Variants in PTPRN2 observed in about 807,000 individuals in gnomAD.
PTPRN2 encodes protein tyrosine phosphatase receptor type N2, also known as receptor-type tyrosine-protein phosphatase N2.
A neutral mutation model predicts 118.8 loss-of-function variants in PTPRN2; 74 were observed. The ratio of observed to expected loss-of-function variants is 0.62; its 90% CI spans 0.52 to 0.76. The LOEUF is 0.76. PTPRN2 is among the 30% of genes least tolerant of loss of function. The pLI, the probability that PTPRN2 is intolerant of heterozygous loss-of-function variation, is 0.00. For synonymous variants in PTPRN2, 641 were observed against 608.0 expected (o/e 1.05, Z -0.80); for missense variants, 1,481 against 1,394.4 (o/e 1.06, Z -0.99).
At chr7:158,561,741 T>A (rs957928647) in intron 1 of PTPRN2, among the ~76,000 whole-genome samples, 1 of 152,174 alleles carries the variant, frequency 6.6e-6, no homozygotes, top group Non-Finnish European at 1.5e-5. Flanking sequence ...GCACAGTCCC[T>A]GTGCAAGACA....
At chr7:158,132,716 G>C (rs114251824) in intron 9 of PTPRN2, among the ~76,000 whole-genome samples, 1 of 147,468 alleles carries the variant, frequency 6.8e-6, no homozygotes, top group African/African-American at 2.5e-5. Flanking sequence ...ATATACATAC[G>C]CACAGATACA....
At position 157,903,828 on chromosome 7, in the gene PTPRN2, C is replaced by T. The variant is rs1444083670; in HGVS notation, c.1724-5091G>A. ...CAAGTGCCGGCGCAAGCGCTTCCCA[C>T]ACTTCAATCCGTCTCCCCATCCAGG... On this transcript the variant is annotated intron_variant, in intron 11 of 22. Coordinates refer to ENST00000389418, the MANE Select transcript of PTPRN2 (RefSeq NM_002847.5). This position sits in a 1 kb window ranked among gnomAD's most constrained non-coding sequence, Gnocchi z 4.2. Among the ~76,000 whole-genome samples the T allele has an allele frequency of 6.6e-6, 1 of 152,220 alleles. No homozygotes were observed. The highest frequency in any genetic ancestry group is 1.5e-5 in the Non-Finnish European group (1 of 68,030).
intron 3 of PTPRN2, among the ~76,000 whole-genome samples, chr7:158,268,188 C>T (rs1433873953): frequency 6.6e-6 from 1 of 152,236 alleles, no homozygotes; most frequent in Non-Finnish European, 1.5e-5. Flanking sequence ...ATGCCGCCTG[C>T]AAAAGCATCA....
intron 2 of PTPRN2, among the ~76,000 whole-genome samples, chr7:158,458,530 G>A (rs898403649): frequency 5.9e-5 from 9 of 151,992 alleles, no homozygotes; most frequent in East Asian, 3.9e-4. Flanking sequence ...GCAAAACCAC[G>A]CCCCCACCCA....
At chr7:158,360,074 ACATCCACCCTCACCC>A (rs1808753522) in intron 2 of PTPRN2, among the ~76,000 whole-genome samples, 1 of 136,492 alleles carries the variant, frequency 7.3e-6, no homozygotes, top group African/African-American at 2.9e-5. Context: ...CACAGACCCC[ACATCCACCCTCACCC>A]AGGATGACGC....
At chr7:158,130,645 T>A (rs1251059631) in intron 9 of PTPRN2, among the ~76,000 whole-genome samples, 1 of 144,940 alleles carries the variant, frequency 6.9e-6, no homozygotes, top group East Asian at 2.1e-4. Flanking sequence ...CACAAACCAA[T>A]ACACATCTAC....
intron 3 of PTPRN2, among the ~76,000 whole-genome samples, chr7:158,281,643 G>A (rs1035579008): frequency 1.1e-4 from 17 of 152,104 alleles, no homozygotes; most frequent in Non-Finnish European, 1.9e-4. Flanking sequence ...GCCACGTCCC[G>A]TGCAAACGCT....
intron 10 of PTPRN2, among the ~76,000 whole-genome samples, chr7:158,087,862 A>T (rs201103801): frequency 3.5e-5 from 1 of 28,214 alleles, no homozygotes. Context: ...CTGATGAAGG[A>T]GGGAGTCTTC....
chr7:158,280,042 C>T (rs1036061646), intron 3 of PTPRN2, among the ~76,000 whole-genome samples: 3 of 151,952 alleles, frequency 2.0e-5, no homozygotes, highest in Non-Finnish European at 4.4e-5. Context: ...GCGGCCCCCA[C>T]GCCCCACCGC....
intron 5 of PTPRN2, among the ~76,000 whole-genome samples, chr7:158,178,414 T>C (rs1468553312): frequency 6.6e-6 from 1 of 152,020 alleles, no homozygotes; most frequent in Non-Finnish European, 1.5e-5. Flanking sequence ...TGCATACCCA[T>C]AGCTTGGCTC....
intron 6 of PTPRN2, among the ~76,000 whole-genome samples, chr7:158,154,474 T>G (rs543677450): frequency 6.6e-6 from 1 of 152,340 alleles, no homozygotes; most frequent in African/African-American, 2.4e-5. Context: ...AAAAACTCTC[T>G]CTTATGGCTG....
intron 21 of PTPRN2, among the ~76,000 whole-genome samples, chr7:157,561,360 C>T (rs1396932593): frequency 2.6e-5 from 4 of 152,256 alleles, no homozygotes; most frequent in Non-Finnish European, 2.9e-5. Flanking sequence ...GCGGCCCAGG[C>T]GCCTCACCAC....
chr7:158,473,059 G>A (rs1368648245), intron 2 of PTPRN2, among the ~76,000 whole-genome samples: 2 of 152,016 alleles, frequency 1.3e-5, no homozygotes, highest in Non-Finnish European at 1.5e-5. Context: ...TAGAATCCAC[G>A]TTTGGTTCGA....
chr7:157,555,471 C>G (rs1255790434), intron 21 of PTPRN2, among the ~76,000 whole-genome samples: 2 of 152,208 alleles, frequency 1.3e-5, no homozygotes, highest in Non-Finnish European at 2.9e-5. Context: ...GCTGACCGAG[C>G]TGTGTGATTC....
intron 11 of PTPRN2, among the ~76,000 whole-genome samples, chr7:158,057,053 G>A (rs1043657856): frequency 1.3e-5 from 2 of 152,212 alleles, no homozygotes; most frequent in African/African-American, 2.4e-5. Context: ...CCAAGGTCAC[G>A]CCCTCTGTGG....
At chr7:158,292,152 G>A (rs1800165172) in intron 3 of PTPRN2, among the ~76,000 whole-genome samples, 1 of 152,160 alleles carries the variant, frequency 6.6e-6, no homozygotes, top group African/African-American at 2.4e-5. Context: ...GGTTTTCTGT[G>A]CTGCCATCTG....
At chr7:157,924,032 T>C (rs1444698350) in intron 11 of PTPRN2, among the ~76,000 whole-genome samples, 1 of 152,256 alleles carries the variant, frequency 6.6e-6, no homozygotes, top group Non-Finnish European at 1.5e-5. Context: ...TGGGCACCCA[T>C]AGCAGACGGC....
At chr7:157,783,748 G>A (rs770651412) in intron 12 of PTPRN2, among the ~76,000 whole-genome samples, 11 of 151,768 alleles carry the variant, frequency 7.2e-5, no homozygotes, top group Non-Finnish European at 8.8e-5. Context: ...CCACTTACTC[G>A]GAACAGGGAC....
At position 157,813,193 on chromosome 7, in the gene PTPRN2, A is replaced by G. The variant is rs1806168356; in HGVS notation, c.1788+85480T>C. On this transcript the variant is annotated intron_variant, in intron 12 of 22. Coordinates refer to ENST00000389418, the MANE Select transcript of PTPRN2 (RefSeq NM_002847.5). This position sits in a 1 kb window ranked among gnomAD's most constrained non-coding sequence, Gnocchi z 4.7. ...CTCCAGAGCGCGTGGGACCGTAGAG[A>G]AGGCAGTGACAGGGCCAGGGCAAGC... Among the ~76,000 whole-genome samples, 1 of 152,118 alleles carries G rather than the reference A, an allele frequency of 6.6e-6. No homozygotes were observed. The highest frequency in any genetic ancestry group is 2.4e-5 in the African/African-American group (1 of 41,390).
Sources: gnomAD v4.1 joint callset for allele counts (sites outside exome capture counted in the v4.1 genomes callset) on GRCh38, gnomAD v4.1.1 for gene constraint, Gnocchi (gnomAD v3.1) non-coding constraint, MANE v1.5 for transcripts, NCBI Gene and HGNC (gene_info 2026-07-23, HGNC 2026-07-21) for gene names.